The following LY96 variants were observed in gnomAD, a reference collection of about 807,000 sequenced individuals.
The protein encoded by LY96 is myeloid differentiation protein-2.
In LY96, 18 loss-of-function variants were observed where a neutral mutation model predicts 18.9. The ratio of observed to expected loss-of-function variants is 0.95; its 90% CI spans 0.66 to 1.41. The LOEUF is 1.41. Among genes scored for constraint, LY96 ranks in the 40% most tolerant of loss-of-function variants. LY96 has a pLI of 0.00. For synonymous variants in LY96, 66 were observed against 62.6 expected, an observed-to-expected ratio of 1.06 and a Z score of -0.26; for missense variants, 175 against 182.4, an observed-to-expected ratio of 0.96 and a Z score of 0.23.
At chr8:74,078,039 T>G in the LY96 span, among the ~76,000 whole-genome samples, 1 of 151,934 alleles carries the variant, frequency 6.6e-6, no homozygotes, top group Non-Finnish European at 1.5e-5. Flanking sequence ...GCCGAGGAAT[T>G]TGAGGCTGCG....
At chr8:74,088,133 TAGAATAGAATAGAATAGAAA>T in the LY96 span, among the ~76,000 whole-genome samples, 2 of 150,366 alleles carry the variant, frequency 1.3e-5, no homozygotes, top group Non-Finnish European at 2.9e-5. Context: ...TAGAATAGAA[TAGAATAGAATAGAATAGAAA>T]AGAATAGAAA....
At chr8:74,088,939 C>A in the LY96 span, among the ~76,000 whole-genome samples, 1 of 152,158 alleles carries the variant, frequency 6.6e-6, no homozygotes, top group Non-Finnish European at 1.5e-5. Flanking sequence ...ACAATTGTAT[C>A]CATGTAAGTT....
intron 3 of LY96, among the ~76,000 whole-genome samples, chr8:74,021,669 C>T (rs1816763866): frequency 6.6e-6 from 1 of 152,196 alleles, no homozygotes; most frequent in Non-Finnish European, 1.5e-5. Flanking sequence ...TTGGAACCAA[C>T]CCAAATGTCC....
At chr8:74,017,402 G>A (rs1380918295) in intron 3 of LY96, among the ~76,000 whole-genome samples, 1 of 152,182 alleles carries the variant, frequency 6.6e-6, no homozygotes, top group Non-Finnish European at 1.5e-5. Context: ...ATGATACTAT[G>A]TGAAAAGACC....
At chr8:74,062,409 G>A in the LY96 span, among the ~76,000 whole-genome samples, 4 of 138,618 alleles carry the variant, frequency 2.9e-5, no homozygotes, top group Admixed American at 7.5e-5. Flanking sequence ...CCCCAACCCC[G>A]GACAGGCCCC....
At chr8:74,033,029 C>T (rs556955459), downstream of LY96, among the ~76,000 whole-genome samples, 65 of 152,252 alleles carry the variant, frequency 4.3e-4, 1 homozygote, top group South Asian at 0.013. Context: ...CTATTGCCCA[C>T]ATCATGGTAA....
In LY96 at chr8:74,002,087, CTT is replaced by C. The variant is rs1491516190; in HGVS notation, c.113-2707_113-2706del. 1.7e-3 allele frequency among the ~76,000 whole-genome samples: 55 copies of C among 33,274 alleles called. 10 individuals carry two copies. Among genetic ancestry groups the C allele is most frequent in the African/African-American group, 3.7e-3 (30 of 8,128 alleles). The allele number at this position is 33,274 out of a possible 152,430, so 21.8% of individuals were successfully genotyped here. ...CCTTCCTTCCTTCCTTTCTTTCTTT[CTT>C]TCTTTCTCTCTCTCTCTCTCTCTCT... On this transcript the variant is annotated intron_variant, in intron 1 of 4. Coordinates refer to ENST00000284818, the MANE Select transcript of LY96 (RefSeq NM_015364.5).
chr8:74,019,002 C>A (rs1816702766), intron 3 of LY96, among the ~76,000 whole-genome samples: 1 of 151,888 alleles, frequency 6.6e-6, no homozygotes, highest in Admixed American at 6.6e-5. Context: ...CCTAACATCA[C>A]AATTAAAAGA....
the LY96 span, among the ~76,000 whole-genome samples, chr8:74,085,024 T>C: frequency 6.6e-6 from 1 of 152,228 alleles, no homozygotes; most frequent in Non-Finnish European, 1.5e-5. Flanking sequence ...TTACTCCAGA[T>C]AGACTTTCTG....
At chr8:73,993,221 A>G (rs1816047267) in intron 1 of LY96, among the ~76,000 whole-genome samples, 1 of 151,872 alleles carries the variant, frequency 6.6e-6, no homozygotes, top group Non-Finnish European at 1.5e-5. Flanking sequence ...TTAGCTTTCA[A>G]TCTTTTCTTA....
At chr8:74,076,928 C>T in the LY96 span, among the ~76,000 whole-genome samples, 4 of 152,262 alleles carry the variant, frequency 2.6e-5, no homozygotes, top group South Asian at 2.1e-4. Context: ...AGATGTTAAT[C>T]GCATGTCTGG....
the LY96 span, among the ~76,000 whole-genome samples, chr8:74,048,494 C>T: frequency 6.6e-6 from 1 of 152,156 alleles, no homozygotes; most frequent in Non-Finnish European, 1.5e-5. Context: ...GTTGGGAACC[C>T]AGGGCCCTTC....
chr8:74,081,091 T>TTCTTTC, the LY96 span, among the ~76,000 whole-genome samples: 1 of 113,246 alleles, frequency 8.8e-6, no homozygotes, highest in East Asian at 2.3e-4. Context: ...CTTTCTCTCT[T>TTCTTTC]TCTTTCTTTC....
At chr8:74,076,804 C>G in the LY96 span, among the ~76,000 whole-genome samples, 13 of 152,260 alleles carry the variant, frequency 8.5e-5, no homozygotes, top group Admixed American at 8.5e-4. Flanking sequence ...CTCCAAATCT[C>G]TGGACCCCAG....
intron 3 of LY96, among the ~76,000 whole-genome samples, chr8:74,020,842 G>A (rs1004344397): frequency 6.6e-6 from 1 of 152,160 alleles, no homozygotes; most frequent in Non-Finnish European, 1.5e-5. Flanking sequence ...TTTAATAAAT[G>A]GTGCTGGGAA....
At chr8:74,041,503 A>C in the LY96 span, among the ~76,000 whole-genome samples, 1 of 152,192 alleles carries the variant, frequency 6.6e-6, no homozygotes, top group African/African-American at 2.4e-5. Context: ...AGAGCCTATA[A>C]GTGGACGTGC....
chr8:74,050,018 T>TAAA, the LY96 span, among the ~76,000 whole-genome samples: 629 of 151,850 alleles, frequency 4.1e-3, 2 homozygotes, highest in African/African-American at 0.014. Flanking sequence ...ACTCCATTTT[T>TAAA]TAAATAAATA....
At chr8:74,081,166 C>CTTCT in the LY96 span, among the ~76,000 whole-genome samples, 3 of 98,956 alleles carry the variant, frequency 3.0e-5, no homozygotes, top group Admixed American at 1.2e-4. Context: ...TCTTTCTTTC[C>CTTCT]TTCTTTCTTT....
intron 1 of LY96, among the ~76,000 whole-genome samples, chr8:74,003,684 T>A (rs1276793193): frequency 2.0e-5 from 3 of 152,138 alleles, no homozygotes; most frequent in Non-Finnish European, 4.4e-5. Flanking sequence ...TCTCCCTATG[T>A]TGAGGGAGTG....
Sources: allele counts gnomAD v4.1 joint callset (sites outside exome capture counted in the v4.1 genomes callset), GRCh38; gene constraint gnomAD v4.1.1; transcripts MANE v1.5; gene names NCBI Gene and HGNC (gene_info 2026-07-23, HGNC 2026-07-21).